The following CCNJL variants were observed in gnomAD, a reference collection of about 807,000 sequenced individuals.
CCNJL encodes the protein cyclin J like, also known as cyclin-J-like protein.
Under a neutral mutation model 33.4 loss-of-function variants are expected in CCNJL, and 33 were observed. That is an observed-to-expected ratio of 0.99 (90% CI 0.75 to 1.32). CCNJL has a LOEUF of 1.32. Ranked by LOEUF, CCNJL falls within the 40% of genes most tolerant of loss-of-function variation. CCNJL has a pLI of 0.00. For synonymous variants in CCNJL, 227 were observed against 220.9 expected, an observed-to-expected ratio of 1.03 and a Z score of -0.24; for missense variants, 512 against 499.7, an observed-to-expected ratio of 1.02 and a Z score of -0.23.
At chr5:160,312,672 C>T (rs1277410645), upstream of CCNJL, 1 of 151,892 alleles carries the variant, frequency 6.6e-6, no homozygotes, top group East Asian at 1.9e-4. Flanking sequence ...GAATTGGAGC[C>T]TTTCTTTGCC....
intron 3 of CCNJL, among the ~76,000 whole-genome samples, chr5:160,267,886 A>G (rs966566517): frequency 1.1e-4 from 16 of 152,072 alleles, no homozygotes; most frequent in Admixed American, 9.2e-4. Flanking sequence ...CTTGACTTCA[A>G]TCTCTCCTTT....
At chr5:160,254,520 A>G (rs1038268036) in intron 5 of CCNJL, 1 of 436,804 alleles carries the variant, frequency 2.3e-6, no homozygotes, top group South Asian at 5.9e-5. Flanking sequence ...GGAATGAGAT[A>G]AAGACAGCTG....
At chr5:160,304,511 C>T (rs2113438021) in intron 2 of CCNJL, among the ~76,000 whole-genome samples, 1 of 152,212 alleles carries the variant, frequency 6.6e-6, no homozygotes, top group East Asian at 1.9e-4. Context: ...TCAGGTCTCA[C>T]TTGAAGACTG....
chr5:160,306,591 G>C (rs1763104964), intron 2 of CCNJL, among the ~76,000 whole-genome samples: 1 of 152,164 alleles, frequency 6.6e-6, no homozygotes, highest in East Asian at 1.9e-4. Flanking sequence ...AAGAACTCCA[G>C]AAATCCCTGT....
intron 3 of CCNJL, among the ~76,000 whole-genome samples, chr5:160,262,149 G>C (rs768399311): frequency 2.0e-5 from 3 of 152,060 alleles, no homozygotes; most frequent in Non-Finnish European, 4.4e-5. Flanking sequence ...CAGCAGAAAC[G>C]AGCTCTTTCC....
At chr5:160,297,566 A>G (rs1762786347) in intron 2 of CCNJL, among the ~76,000 whole-genome samples, 2 of 151,250 alleles carry the variant, frequency 1.3e-5, no homozygotes, top group African/African-American at 2.5e-5. Context: ...TGTAAGCCCA[A>G]CACTTTAAGA....
At chr5:160,298,271 A>G (rs1210638775) in intron 2 of CCNJL, among the ~76,000 whole-genome samples, 1 of 152,104 alleles carries the variant, frequency 6.6e-6, no homozygotes, top group Non-Finnish European at 1.5e-5. Flanking sequence ...GAGGCATGAG[A>G]ATCGCTTGAA....
At chr5:160,301,760 C>T (rs1391900211) in intron 2 of CCNJL, among the ~76,000 whole-genome samples, 1 of 142,836 alleles carries the variant, frequency 7.0e-6, no homozygotes. Context: ...GAAACAGTCT[C>T]TCTTTGTCAC....
chr5:160,317,229 C>T (rs957934632), upstream of CCNJL, among the ~76,000 whole-genome samples: 7 of 152,120 alleles, frequency 4.6e-5, no homozygotes, highest in East Asian at 1.9e-4. Flanking sequence ...AGATATGAGT[C>T]GGCAGATTAG....
intron 2 of CCNJL, among the ~76,000 whole-genome samples, chr5:160,286,270 G>A (rs1325668524): frequency 6.6e-6 from 1 of 152,220 alleles, no homozygotes; most frequent in East Asian, 1.9e-4. Context: ...CACAAAGAAC[G>A]TCTTTCCTGT....
chr5:160,277,248 T>C (rs1762045346), intron 3 of CCNJL, among the ~76,000 whole-genome samples: 1 of 152,084 alleles, frequency 6.6e-6, no homozygotes, highest in Non-Finnish European at 1.5e-5. Context: ...TGAGGATCCG[T>C]GCGATGTGTG....
upstream of CCNJL, chr5:160,315,412 T>C (rs927591184): frequency 9.1e-6 from 4 of 438,920 alleles, no homozygotes; most frequent in African/African-American, 8.5e-5. Flanking sequence ...AAAGCTGAAA[T>C]AGAAGAATCA....
intron 3 of CCNJL, among the ~76,000 whole-genome samples, chr5:160,263,367 C>CT (rs1415185752): frequency 6.6e-6 from 1 of 152,168 alleles, no homozygotes; most frequent in Non-Finnish European, 1.5e-5. Flanking sequence ...CTAAAAATGC[C>CT]TTTTATAACC....
Position 160,320,831 on chromosome 5 carries a change from T to TTCTTTCTTTCTTTC in CCNJL, n.207-5340_207-5327dup, listed in dbSNP as rs1561812470. On this transcript the variant is annotated intron_variant and non_coding_transcript_variant, in intron 1 of 7. Transcript: ENST00000377503. ...TTTCTTTCTTTCTTTCTTTCTTTCT[T>TTCTTTCTTTCTTTC]TCTTTCTTTCTTTCTTTCCTTCTTT... Among the ~76,000 whole-genome samples, 828 of 124,006 alleles carry TTCTTTCTTTCTTTC rather than the reference T, an allele frequency of 6.7e-3. 22 individuals are homozygous for TTCTTTCTTTCTTTC. Among genetic ancestry groups the TTCTTTCTTTCTTTC allele is most frequent in the African/African-American group, 0.023 (779 of 33,254 alleles). The allele number at this position is 124,006 out of a possible 152,430, so 81.4% of individuals were successfully genotyped here.
At chr5:160,305,421 C>A (rs1178444874) in intron 2 of CCNJL, among the ~76,000 whole-genome samples, 1 of 152,150 alleles carries the variant, frequency 6.6e-6, no homozygotes, top group Non-Finnish European at 1.5e-5. Context: ...GGAGAGGCAC[C>A]ACACACAGGT....
intron 3 of CCNJL, among the ~76,000 whole-genome samples, chr5:160,264,898 A>C (rs925813814): frequency 6.6e-6 from 1 of 152,358 alleles, no homozygotes. Context: ...AGTTATTTTT[A>C]ATTGCTTAAA....
At chr5:160,280,932 C>T (rs1762189998) in intron 2 of CCNJL, 194 bp from the exon 3 acceptor site, 2 of 689,290 alleles carry the variant, frequency 2.9e-6, no homozygotes, top group Middle Eastern at 2.3e-4. Context: ...AGCACAGGCT[C>T]ATAAAGTATC....
chr5:160,290,751 CAAAAGGAACACCTGAT>C (rs1762555703), intron 2 of CCNJL, among the ~76,000 whole-genome samples: 1 of 151,978 alleles, frequency 6.6e-6, no homozygotes, highest in African/African-American at 2.4e-5. Flanking sequence ...ATACCTGATG[CAAAAGGAACACCTGAT>C]AATTACAAAA....
chr5:160,279,204 C>T (rs1371948504), intron 3 of CCNJL, among the ~76,000 whole-genome samples: 1 of 152,134 alleles, frequency 6.6e-6, no homozygotes, highest in Admixed American at 6.5e-5. Context: ...CCTGCAGCAC[C>T]AAGCAGGATG....
Sources: allele counts gnomAD v4.1 joint callset (sites outside exome capture counted in the v4.1 genomes callset), GRCh38; gene constraint gnomAD v4.1.1; transcripts MANE v1.5; gene names NCBI Gene and HGNC (gene_info 2026-07-23, HGNC 2026-07-21).